Variants in ZNF765 observed in about 807,000 individuals in gnomAD.
ZNF765 encodes the protein zinc finger protein 765.
ZNF765 carries 37 observed loss-of-function variants against 44.7 expected under a neutral mutation model. The ratio of observed to expected loss-of-function variants is 0.83; its 90% CI spans 0.64 to 1.09. ZNF765 has a LOEUF of 1.09. Among genes scored for constraint, ZNF765 ranks in the 50% least tolerant of loss-of-function variants. The pLI is 0.00. For missense variants in ZNF765, 594 were observed against 626.1 expected (o/e 0.95, Z 0.55); for synonymous variants, 201 against 213.7 (o/e 0.94, Z 0.52).
At chr19:53,415,567 G>A (rs1360019257), downstream of ZNF765, among the ~76,000 whole-genome samples, 1 of 70,054 alleles carries the variant, frequency 1.4e-5, no homozygotes, top group South Asian at 4.4e-4. Context: ...GTTGAGGTGT[G>A]TATTAACTTT....
intron 3 of ZNF765, among the ~76,000 whole-genome samples, chr19:53,403,841 C>CA (rs57144770): frequency 1.4e-5 from 2 of 140,270 alleles, no homozygotes; most frequent in East Asian, 2.1e-4. Flanking sequence ...GACTCTGTCT[C>CA]AAAAAAAAAA....
At chr19:53,395,709 C>T (rs2085661100) in intron 1 of ZNF765, among the ~76,000 whole-genome samples, 2 of 152,218 alleles carry the variant, frequency 1.3e-5, no homozygotes, top group Admixed American at 1.3e-4. Flanking sequence ...TCACTGCTTT[C>T]CCTGAGCCCG....
chr19:53,412,184 T>A (rs562361571), downstream of ZNF765, among the ~76,000 whole-genome samples: 4 of 152,232 alleles, frequency 2.6e-5, no homozygotes, highest in Non-Finnish European at 5.9e-5. Flanking sequence ...GTCTTTCTAT[T>A]GTTTAGGTAA....
At position 53,409,779 on chromosome 19, in the gene ZNF765, C is replaced by A; in HGVS notation, c.*652C>A. On this transcript the variant is annotated 3_prime_UTR_variant, in exon 4 of 4. Coordinates refer to ENST00000396408, the MANE Select transcript of ZNF765 (RefSeq NM_001040185.3). The stretch of plus-strand genomic sequence containing the variant: ...CATAGACTTCATACTGGAGAGATAC[C>A]TTAAAAGTGTAGTGAGTGTGGCAAG... The A allele has an allele frequency of 1.2e-6, 1 of 817,708 alleles. No homozygotes were observed. Among genetic ancestry groups the A allele is most frequent in the Non-Finnish European group, 2.1e-6 (1 of 471,520 alleles). The allele number at this position is 817,708 out of a possible 1,614,324, so 50.7% of individuals were successfully genotyped here.
At position 53,408,139 on chromosome 19, in the gene ZNF765, A is replaced by C; in HGVS notation, c.584A>C (p.Asn195Thr). 6.2e-7 allele frequency: 1 copy of C among 1,614,086 alleles called. No homozygotes were observed. The highest frequency in any genetic ancestry group is 2.2e-5 in the East Asian group (1 of 44,874). The change falls in exon 4 of 4, where the codon AAT (asparagine) becomes ACT (threonine). Residue 195 changes from asparagine (N) to threonine (T), a missense_variant. This residue lies in a region of ZNF765 where 567 missense variants were observed against 572.6 expected (regional missense o/e 0.99). Transcript: ENST00000396408. ...CATATTTCTAATGACTATGGGAATA[A>C]TTTCCTGAATTCTTCATTATTCACA... ...ETHISNDYGN[N>T]FLNSSLFTQK...
At chr19:53,406,109 A>G (rs999803912) in intron 3 of ZNF765, among the ~76,000 whole-genome samples, 2 of 148,810 alleles carry the variant, frequency 1.3e-5, no homozygotes, top group African/African-American at 5.0e-5. Context: ...GCTCACTACA[A>G]CCTCCACCTC....
At chr19:53,416,261 C>T (rs1041441492), downstream of ZNF765, among the ~76,000 whole-genome samples, 5 of 152,112 alleles carry the variant, frequency 3.3e-5, no homozygotes, top group African/African-American at 9.7e-5. Context: ...TCAAATGAGG[C>T]CAGGCATGGT....
chr19:53,398,452 C>A (rs1232273523), intron 2 of ZNF765, among the ~76,000 whole-genome samples: 2 of 152,128 alleles, frequency 1.3e-5, no homozygotes, highest in Non-Finnish European at 2.9e-5. Context: ...CAATATGGAG[C>A]AATTTTTTCT....
exon 4 of ZNF765, chr19:53,426,565 A>T (rs2085940748): frequency 6.6e-6 from 1 of 152,340 alleles, no homozygotes; most frequent in East Asian, 1.9e-4. Flanking sequence ...CCTGTTAGGA[A>T]CTGGACCGCA....
At chr19:53,422,898 A>G (rs2085915551) in intron 3 of ZNF765, among the ~76,000 whole-genome samples, 1 of 152,168 alleles carries the variant, frequency 6.6e-6, no homozygotes, top group Non-Finnish European at 1.5e-5. Context: ...GTCCTTTTAC[A>G]TCACTGGGTG....
chr19:53,402,326 G>C, intron 3 of ZNF765, 135 bp downstream of exon 3: 1 of 1,433,706 alleles, frequency 7.0e-7, no homozygotes, highest in Non-Finnish European at 9.2e-7. Context: ...GCATGATCTC[G>C]GCTCACGGCC....
In ZNF765 at chr19:53,396,293, G is replaced by T. The variant is rs192375692; in HGVS notation, c.-74+1100G>T. Among the ~76,000 whole-genome samples, 304 of 152,260 alleles carry T rather than the reference G, an allele frequency of 2.0e-3. 1 individual carries two copies. The highest frequency in any genetic ancestry group is 6.4e-3 in the African/African-American group (266 of 41,538). ...AGAATGTAACAGGGAGAGCAGAGGA[G>T]GCGCAGAGATGGTGTTGCGGGAAAC... On this transcript the variant is annotated intron_variant, in intron 1 of 3. Coordinates refer to ENST00000396408, the MANE Select transcript of ZNF765 (RefSeq NM_001040185.3).
chr19:53,397,671 G>A (rs919658335), intron 1 of ZNF765, among the ~76,000 whole-genome samples: 6 of 152,092 alleles, frequency 3.9e-5, no homozygotes, highest in Non-Finnish European at 7.4e-5. Flanking sequence ...ATGAGCCACC[G>A]CACCCAGCCT....
Position 53,407,801 on chromosome 19 carries a change from T to G in ZNF765, c.246T>G (p.Asn82Lys). ...CTCAAAGACATGAAAGTCATCACAATGGAGATTTTTGTTTCCAGGATATTG... is the reference window on the plus strand; with the variant it reads ...CTCAAAGACATGAAAGTCATCACAAGGGAGATTTTTGTTTCCAGGATATTG... ...GTSQRHESHHNGDFCFQDIDK... is the reference protein window; with the variant it reads ...GTSQRHESHHKGDFCFQDIDK... Residue 82 changes from asparagine (N) to lysine (K), a missense_variant, in exon 4 of 4, where the codon AAT becomes AAG. Physicochemically the swap from Asn to Lys is moderately conservative, Grantham distance 94. Transcript: ENST00000396408. The G allele has an allele frequency of 6.2e-7, 1 of 1,613,328 alleles. No individual in the cohort carries two copies. The highest frequency in any genetic ancestry group is 1.1e-5 in the South Asian group (1 of 90,916).
At chr19:53,422,295 T>G (rs1208805140) in intron 3 of ZNF765, among the ~76,000 whole-genome samples, 1 of 152,170 alleles carries the variant, frequency 6.6e-6, no homozygotes, top group Non-Finnish European at 1.5e-5. Flanking sequence ...CCAGACAAGA[T>G]CAGTCCCCAT....
chr19:53,405,676 G>A (rs1218954555), intron 3 of ZNF765, among the ~76,000 whole-genome samples: 1 of 150,156 alleles, frequency 6.7e-6, no homozygotes, highest in African/African-American at 2.4e-5. Context: ...TGACCAAATT[G>A]TCTCAAAGGC....
intron 3 of ZNF765, among the ~76,000 whole-genome samples, chr19:53,422,440 C>T (rs537876632): frequency 9.3e-4 from 141 of 152,328 alleles, no homozygotes; most frequent in African/African-American, 2.8e-3. Context: ...CTGTTCTTCA[C>T]AGCAAAGAGC....
At position 53,410,590 on chromosome 19, in the gene ZNF765, T is replaced by C. The variant is rs1568783259; in HGVS notation, c.*1463T>C. On this transcript the variant is annotated 3_prime_UTR_variant, in exon 4 of 4. Coordinates refer to ENST00000396408, the MANE Select transcript of ZNF765 (RefSeq NM_001040185.3). The stretch of plus-strand genomic sequence containing the variant: ...AATCCATGGTGTAGGGAAACTTTAC[T>C]TATGTAATGATTGTCACAAAGTCTT... 4.4e-6 allele frequency: 2 copies of C among 452,716 alleles called. No individual in the cohort carries two copies. Among genetic ancestry groups the C allele is most frequent in the Non-Finnish European group, 8.9e-6 (2 of 225,964 alleles). The allele number at this position is 452,716 out of a possible 1,614,324, so 28.0% of individuals were successfully genotyped here. A position where few individuals can be genotyped will look rare whatever the true frequency, so the allele number is the denominator to read the frequency against.
intron 1 of ZNF765, among the ~76,000 whole-genome samples, chr19:53,397,155 C>A (rs2085679561): frequency 6.6e-6 from 1 of 152,214 alleles, no homozygotes; most frequent in African/African-American, 2.4e-5. Context: ...GCAGTTACTT[C>A]TATAACAGCC....
Sources: allele counts gnomAD v4.1 joint callset (sites outside exome capture counted in the v4.1 genomes callset), GRCh38; gene constraint gnomAD v4.1.1; regional missense constraint gnomAD v4.1.1; transcripts MANE v1.5; gene names NCBI Gene and HGNC (gene_info 2026-07-23, HGNC 2026-07-21).